ARHGEF12: variants seen among roughly 807,000 people sequenced by gnomAD.
ARHGEF12 encodes KMT2A/ARHGEF12 fusion protein.
ARHGEF12 carries 66 observed loss-of-function variants against 211.2 expected under a neutral mutation model. The ratio of observed to expected loss-of-function variants is 0.31; its 90% CI spans 0.26 to 0.38. The LOEUF (loss-of-function observed/expected upper bound fraction) is 0.38. Ranked by LOEUF, ARHGEF12 falls within the 10% of genes least tolerant of loss-of-function variation. The pLI, the probability that ARHGEF12 is intolerant of heterozygous loss-of-function variation, is 1.00. For missense variants in ARHGEF12, 1,429 were observed against 1,869.5 expected, an observed-to-expected ratio of 0.76 and a Z score of 4.34; for synonymous variants, 592 against 638.4, an observed-to-expected ratio of 0.93 and a Z score of 1.09.
intron 27 of ARHGEF12, among the ~76,000 whole-genome samples, chr11:120,461,956 G>T (rs1946547906): frequency 8.0e-6 from 1 of 124,466 alleles, no homozygotes; most frequent in Admixed American, 7.7e-5. Context: ...AGGGAATATT[G>T]TGGCTGATTT....
intron 1 of ARHGEF12, among the ~76,000 whole-genome samples, chr11:120,369,354 C>G (rs1187001666): frequency 6.6e-6 from 1 of 152,070 alleles, no homozygotes; most frequent in African/African-American, 2.4e-5. Context: ...GTCTTGAACT[C>G]CTGACCTCAA....
rs533764025 is a variant in ARHGEF12, at chr11:120,339,453, G to C, written c.32+2178G>C. 1.1e-4 allele frequency among the ~76,000 whole-genome samples: 17 copies of C among 151,888 alleles called. No individual in the cohort carries two copies. The South Asian group carries it at 3.3e-3, about 30-fold the overall frequency. On this transcript the variant is annotated intron_variant, in intron 1 of 40. Transcript: ENST00000397843. ...GTCAGCCCTACCTCATCCTTTTTTCGTAGTGTCTAACTCTTACTGTAGGTA... is the reference window on the plus strand; with the variant it reads ...GTCAGCCCTACCTCATCCTTTTTTCCTAGTGTCTAACTCTTACTGTAGGTA...
chr11:120,425,338 G>GT (rs1208138319), intron 7 of ARHGEF12, among the ~76,000 whole-genome samples: 1 of 148,042 alleles, frequency 6.8e-6, no homozygotes, highest in African/African-American at 2.6e-5. Context: ...ATGTTTTCTT[G>GT]GTTTTTTTTT....
intron 4 of ARHGEF12, among the ~76,000 whole-genome samples, chr11:120,416,989 C>A (rs926415830): frequency 1.3e-5 from 2 of 152,142 alleles, no homozygotes; most frequent in African/African-American, 4.8e-5. Flanking sequence ...AAAGTACTTA[C>A]AATTGTACTA....
intron 38 of ARHGEF12, 42 bp from the exon 39 acceptor site, chr11:120,481,218 G>A: frequency 6.4e-7 from 1 of 1,562,666 alleles, no homozygotes; most frequent in African/African-American, 1.4e-5. Context: ...GTTTTCTAAT[G>A]GCAGCACTGG....
intron 1 of ARHGEF12, among the ~76,000 whole-genome samples, chr11:120,380,697 GT>G (rs1943854073): frequency 6.6e-6 from 1 of 152,146 alleles, no homozygotes; most frequent in African/African-American, 2.4e-5. Flanking sequence ...ACTATACTCT[GT>G]TTTTTGGGAA....
At chr11:120,401,045 C>T (rs1032090057) in intron 1 of ARHGEF12, among the ~76,000 whole-genome samples, 5 of 152,116 alleles carry the variant, frequency 3.3e-5, no homozygotes, top group Non-Finnish European at 5.9e-5. Context: ...TATAGTCCTT[C>T]GGATATAACT....
In ARHGEF12 at chr11:120,481,461, G is replaced by C; in HGVS notation, c.4439G>C (p.Trp1480Ser). Reference sequence around the variant, plus strand: ...CCCGAATTTCTGGTCCAGCAGCGCTGGGGAGCTATGGAGTATTCCTGTTTT... The same window carrying C: ...CCCGAATTTCTGGTCCAGCAGCGCTCGGGAGCTATGGAGTATTCCTGTTTT... The part of the protein sequence containing the change: ...FTPEFLVQQR[W>S]GAMEYSCFEI... Residue 1480 changes from tryptophan (W) to serine (S), a missense_variant, in exon 39 of 41, where the codon TGG (tryptophan) becomes TCG (serine). Around this residue, in one of 7 missense-constraint regions of ARHGEF12, gnomAD observed 467 missense variants for 468.4 expected, o/e 1.00. Coordinates refer to ENST00000397843, the MANE Select transcript of ARHGEF12 (RefSeq NM_015313.3). 2 of 1,614,210 alleles carry C rather than the reference G, an allele frequency of 1.2e-6. No individual in the cohort carries two copies. The highest frequency in any genetic ancestry group is 2.7e-5 in the African/African-American group (2 of 75,056).
chr11:120,451,447 G>A, intron 21 of ARHGEF12, 65 bp from the exon 22 acceptor site: 1 of 1,529,480 alleles, frequency 6.5e-7, no homozygotes. Flanking sequence ...AAAGTGTTGG[G>A]ATTATAGGCT....
chr11:120,382,541 G>A (rs1943905617), intron 1 of ARHGEF12, among the ~76,000 whole-genome samples: 1 of 152,174 alleles, frequency 6.6e-6, no homozygotes, highest in South Asian at 2.1e-4. Context: ...GCCTAGTTGT[G>A]GAATTCGCTG....
chr11:120,423,698 T>C (rs1302621536), intron 6 of ARHGEF12, among the ~76,000 whole-genome samples: 2 of 152,150 alleles, frequency 1.3e-5, no homozygotes, highest in East Asian at 3.8e-4. Flanking sequence ...TTAAATGTCA[T>C]AGCTAACAGT....
intron 1 of ARHGEF12, among the ~76,000 whole-genome samples, chr11:120,356,706 T>A (rs1943140289): frequency 6.6e-6 from 1 of 152,234 alleles, no homozygotes; most frequent in African/African-American, 2.4e-5. Context: ...CCTGGATTAC[T>A]TGGTTTTTCT....
chr11:120,486,442 C>T lies in ARHGEF12; in HGVS notation c.*1365C>T, dbSNP rs1297195385. 1 of 231,666 alleles carries T rather than the reference C, an allele frequency of 4.3e-6. No homozygotes were observed. Among genetic ancestry groups the T allele is most frequent in the Non-Finnish European group, 8.5e-6 (1 of 117,042 alleles). 14.4% of individuals were successfully genotyped at this position (231,666 alleles called of 1,614,324 possible). A position where few individuals can be genotyped will look rare whatever the true frequency, so the allele number is the denominator to read the frequency against. On this transcript the variant is annotated 3_prime_UTR_variant, in exon 41 of 41. Coordinates refer to ENST00000397843, the MANE Select transcript of ARHGEF12 (RefSeq NM_015313.3). ...CTGCAGGCAAGGTGTTGGTAACTGCCTGCTCTAGGATGAATAGTAGCGTTA... is the reference window on the plus strand; with the variant it reads ...CTGCAGGCAAGGTGTTGGTAACTGCTTGCTCTAGGATGAATAGTAGCGTTA...
At position 120,431,835 on chromosome 11, in the gene ARHGEF12, C is replaced by G. The variant is rs1945549188; in HGVS notation, c.848C>G (p.Thr283Arg). The G allele has an allele frequency of 6.2e-7, 1 of 1,614,012 alleles. No homozygotes were observed. The highest frequency in any genetic ancestry group is 1.7e-4 in the Middle Eastern group (1 of 6,060). Reference protein sequence around the residue: ...GDTLTVSEAETDPGDVLGRTD... With the variant: ...GDTLTVSEAERDPGDVLGRTD... ...ACCCTAACAGTCAGTGAGGCAGAAA[C>G]AGATCCTGGAGATGTACTGGGCAGG... is the stretch of plus-strand genomic sequence containing the variant. Residue 283 changes from threonine (T) to arginine (R), a missense_variant, in exon 11 of 41, where the codon ACA (threonine) becomes AGA (arginine). Thr to Arg is a moderately conservative substitution (Grantham distance 71, BLOSUM62 -1). Coordinates refer to ENST00000397843, the MANE Select transcript of ARHGEF12 (RefSeq NM_015313.3).
intron 27 of ARHGEF12, 64 bp from the exon 28 acceptor site, chr11:120,465,173 T>C (rs1946663131): frequency 1.3e-6 from 2 of 1,596,122 alleles, no homozygotes; most frequent in African/African-American, 2.7e-5. Flanking sequence ...TGTCTGTCAC[T>C]TTGTCTGGCT....
At position 120,448,231 on chromosome 11, in the gene ARHGEF12, C is replaced by T; in HGVS notation, c.1623-3C>T. 2 of 1,604,944 alleles carry T rather than the reference C, an allele frequency of 1.2e-6. No individual in the cohort carries two copies. The highest frequency in any genetic ancestry group is 1.7e-6 in the Non-Finnish European group (2 of 1,173,486). On this transcript the variant is annotated splice_polypyrimidine_tract_variant and splice_region_variant and intron_variant, in intron 19 of 40. Transcript: ENST00000397843. ...TTAATTTACTTCGTCCTTTCTCCTC[C>T]AGCTCCACCATGCAGTATGTTATTC...
chr11:120,437,974 T>G (rs148662416), intron 12 of ARHGEF12, among the ~76,000 whole-genome samples: 1 of 152,324 alleles, frequency 6.6e-6, no homozygotes, highest in African/African-American at 2.4e-5. Context: ...TATCTGTCCG[T>G]TTGTCAGTGG....
At position 120,480,386 on chromosome 11, in the gene ARHGEF12, G is replaced by C. The variant is rs1357026874; in HGVS notation, c.4193G>C (p.Gly1398Ala). ...GATGAGAATCCATCAGAAGGTGATG[G>C]AGCAGTTAACAAGGAAGAGAAGGAT... Reference protein sequence around the residue: ...HSDENPSEGDGAVNKEEKDVN... With the variant: ...HSDENPSEGDAAVNKEEKDVN... The change falls in exon 38 of 41, where the codon GGA becomes GCA. Residue 1398 changes from glycine to alanine, a missense_variant. Around this residue, in one of 7 missense-constraint regions of ARHGEF12, gnomAD observed 467 missense variants for 468.4 expected, o/e 1.00. Transcript: ENST00000397843. 7 of 1,613,498 alleles carry C rather than the reference G, an allele frequency of 4.3e-6. No homozygotes were observed. Among genetic ancestry groups the C allele is most frequent in the Non-Finnish European group, 5.9e-6 (7 of 1,179,722 alleles).
rs137910262 is a variant in ARHGEF12, at chr11:120,475,596, A to G, written c.3277+89A>G. 6.4e-4 allele frequency: 862 copies of G among 1,341,902 alleles called. 1 individual carries two copies. The highest frequency in any genetic ancestry group is 7.2e-4 in the Non-Finnish European group (705 of 974,432). The allele number at this position is 1,341,902 out of a possible 1,614,324, so 83.1% of individuals were successfully genotyped here. On this transcript the variant is annotated intron_variant, in intron 33 of 40. Transcript: ENST00000397843. The stretch of plus-strand genomic sequence containing the variant: ...GTGCTGTCTCAATAACACAAGTGGC[A>G]TAGAGTCTTGCTATTTTTATATTCT...
Sources: allele counts gnomAD v4.1 joint callset (sites outside exome capture counted in the v4.1 genomes callset), GRCh38; gene constraint gnomAD v4.1.1; regional missense constraint gnomAD v4.1.1; transcripts MANE v1.5; gene names NCBI Gene and HGNC (gene_info 2026-07-23, HGNC 2026-07-21).